HEXB: variants seen among roughly 807,000 people sequenced by gnomAD.
HEXB encodes the protein beta-hexosaminidase subunit beta.
A neutral mutation model predicts 71.2 loss-of-function variants in HEXB; 51 were observed. The observed-to-expected ratio is 0.72, with a 90% CI of 0.57 to 0.90. HEXB has a LOEUF of 0.90. Ranked by LOEUF, HEXB falls within the 40% of genes least tolerant of loss-of-function variation. The pLI is 0.00. For missense variants in HEXB, 617 were observed against 677.0 expected, an observed-to-expected ratio of 0.91 and a Z score of 0.98; for synonymous variants, 266 against 249.3, an observed-to-expected ratio of 1.07 and a Z score of -0.63.
intron 5 of HEXB, 103 bp downstream of exon 5, chr5:74,697,209 T>G: frequency 1.4e-6 from 1 of 712,720 alleles, no homozygotes; most frequent in Non-Finnish European, 2.5e-6. Context: ...ACAGGGGAAT[T>G]TGTATAAGCA....
intron 1 of HEXB, among the ~76,000 whole-genome samples, chr5:74,646,379 T>C (rs1288265482): frequency 1.3e-5 from 2 of 152,068 alleles, no homozygotes; most frequent in African/African-American, 4.8e-5. Context: ...CTTGAATGAG[T>C]TCACAGATCT....
rs558028647 is a variant in HEXB, at chr5:74,702,387, T to C, written c.670-2832T>C. Among the ~76,000 whole-genome samples the C allele has an allele frequency of 4.6e-5, 7 of 152,172 alleles. 1 individual carries two copies. The South Asian group carries it at 1.4e-3, about 32-fold the overall frequency. ...GCCACCGCGCCCGGCCTCCTTGTCT[T>C]TTAAGACCATGACATTTTTGAAGAG... On this transcript the variant is annotated intron_variant, in intron 5 of 13. Coordinates refer to ENST00000261416, the MANE Select transcript of HEXB (RefSeq NM_000521.4).
At chr5:74,668,858 T>C (rs1251255122) in intron 1 of HEXB, among the ~76,000 whole-genome samples, 1 of 152,252 alleles carries the variant, frequency 6.6e-6, no homozygotes, top group African/African-American at 2.4e-5. Context: ...AGACTAAACA[T>C]TCATCTCTAT....
At chr5:74,661,787 C>A (rs1482048648) in intron 1 of HEXB, among the ~76,000 whole-genome samples, 3 of 152,100 alleles carry the variant, frequency 2.0e-5, no homozygotes, top group Non-Finnish European at 4.4e-5. Flanking sequence ...AGATCAATAA[C>A]TTTTTAAGTG....
chr5:74,701,703 A>G (rs1749264668), intron 5 of HEXB, among the ~76,000 whole-genome samples: 1 of 152,084 alleles, frequency 6.6e-6, no homozygotes, highest in Non-Finnish European at 1.5e-5. Context: ...CTCTTTACCC[A>G]GATACTCCAC....
At chr5:74,700,592 C>A (rs1464561866) in intron 5 of HEXB, among the ~76,000 whole-genome samples, 1 of 151,986 alleles carries the variant, frequency 6.6e-6, no homozygotes, top group African/African-American at 2.4e-5. Context: ...GCACCATACT[C>A]CACCTTATAT....
At chr5:74,702,148 G>C (rs820837) in intron 5 of HEXB, among the ~76,000 whole-genome samples, 3 of 134,232 alleles carry the variant, frequency 2.2e-5, no homozygotes, top group Non-Finnish European at 4.7e-5. Flanking sequence ...GCGGGATCTC[G>C]GCTCACTGCA....
chr5:74,665,190 G>A (rs1053843103), intron 1 of HEXB, among the ~76,000 whole-genome samples: 4 of 152,058 alleles, frequency 2.6e-5, no homozygotes, highest in Admixed American at 6.5e-5. Context: ...TTTTATAAAA[G>A]GAAAAAGTTT....
intron 1 of HEXB, among the ~76,000 whole-genome samples, chr5:74,645,021 G>A (rs1196397613): frequency 6.6e-6 from 1 of 151,930 alleles, no homozygotes; most frequent in Non-Finnish European, 1.5e-5. Flanking sequence ...ATCCACCCAT[G>A]TCAGCCTCCC....
chr5:74,691,058 AG>A (rs1748993626), intron 2 of HEXB, among the ~76,000 whole-genome samples: 1 of 152,210 alleles, frequency 6.6e-6, no homozygotes, highest in South Asian at 2.1e-4. Flanking sequence ...GAGACTAGAG[AG>A]TCATAGCTTA....
chr5:74,679,798 CAAAAAA>C (rs70976121), intron 1 of HEXB, among the ~76,000 whole-genome samples: 11 of 38,890 alleles, frequency 2.8e-4, no homozygotes, highest in South Asian at 1.7e-3. Context: ...GACTCCGTCT[CAAAAAA>C]AAAAAAAAAA....
chr5:74,648,961 TG>T (rs1184738654), intron 1 of HEXB, among the ~76,000 whole-genome samples: 1 of 152,162 alleles, frequency 6.6e-6, no homozygotes, highest in East Asian at 1.9e-4. Context: ...GCACAGAATT[TG>T]GGTAAAGCAA....
At chr5:74,719,792 A>C (rs541500875) in intron 11 of HEXB, among the ~76,000 whole-genome samples, 2 of 152,160 alleles carry the variant, frequency 1.3e-5, no homozygotes, top group Non-Finnish European at 2.9e-5. Flanking sequence ...AAATACAAAA[A>C]TTAGCCGGAC....
intron 4 of HEXB, 52 bp from the exon 5 acceptor site, chr5:74,696,944 T>A (rs1401548162): frequency 1.0e-6 from 1 of 986,234 alleles, no homozygotes; most frequent in Non-Finnish European, 1.6e-6. Context: ...CTTCATTGAG[T>A]TCAAGACAAC....
At chr5:74,699,305 G>A (rs558154553) in intron 5 of HEXB, among the ~76,000 whole-genome samples, 76 of 149,686 alleles carry the variant, frequency 5.1e-4, no homozygotes, top group Middle Eastern at 3.4e-3. Flanking sequence ...ACAGAGTCTC[G>A]CTGTGTTACC....
intron 6 of HEXB, 21 bp from the exon 7 acceptor site, chr5:74,713,485 G>A (rs375758215): frequency 6.2e-7 from 1 of 1,607,828 alleles, no homozygotes; most frequent in African/African-American, 1.3e-5. Context: ...ATTTTAACTT[G>A]AATAAATATG....
intron 5 of HEXB, among the ~76,000 whole-genome samples, chr5:74,701,010 A>G (rs577269954): frequency 1.3e-5 from 2 of 150,792 alleles, no homozygotes; most frequent in South Asian, 4.2e-4. Context: ...GCCTGGCAAA[A>G]TTTTTTTATT....
chr5:74,717,520 T>C (rs975038071), intron 9 of HEXB, among the ~76,000 whole-genome samples: 2 of 151,464 alleles, frequency 1.3e-5, no homozygotes, highest in Non-Finnish European at 2.9e-5. Context: ...CAGGAAGTTC[T>C]ACTAGACCGT....
At chr5:74,701,618 TTTTG>T (rs1749262128) in intron 5 of HEXB, among the ~76,000 whole-genome samples, 1 of 152,102 alleles carries the variant, frequency 6.6e-6, no homozygotes, top group African/African-American at 2.4e-5. Context: ...CAGTTTTTAT[TTTTG>T]TTTTTGTTTG....
Sources: allele counts gnomAD v4.1 joint callset (sites outside exome capture counted in the v4.1 genomes callset), GRCh38; gene constraint gnomAD v4.1.1; transcripts MANE v1.5; gene names NCBI Gene and HGNC (gene_info 2026-07-23, HGNC 2026-07-21).